DENND4A: variants seen among roughly 807,000 people sequenced by gnomAD.
The protein encoded by DENND4A is DENN domain containing 4A, also known as C-myc promoter-binding protein.
Under a neutral mutation model 199.3 loss-of-function variants are expected in DENND4A, and 70 were observed. The observed-to-expected ratio is 0.35, with a 90% CI of 0.29 to 0.43. The LOEUF is 0.43. DENND4A is among the 20% of genes least tolerant of loss of function. The pLI is 1.00. For missense variants in DENND4A, 1,723 were observed against 2,255.8 expected (o/e 0.76, Z 4.78); for synonymous variants, 686 against 766.9 (o/e 0.89, Z 1.74).
chr15:65,746,759 A>G (rs2076411066), intron 4 of DENND4A, among the ~76,000 whole-genome samples: 1 of 151,838 alleles, frequency 6.6e-6, no homozygotes, highest in Non-Finnish European at 1.5e-5. Context: ...CCATGTGGAA[A>G]GAGTATTTAA....
Position 65,768,613 on chromosome 15 carries a change from A to G in DENND4A, c.-101-7175T>C, listed in dbSNP as rs143175283. Among the ~76,000 whole-genome samples the G allele has an allele frequency of 2.0e-3, 308 of 152,190 alleles. 2 individuals are homozygous for G. The highest frequency in any genetic ancestry group is 7.2e-3 in the African/African-American group (299 of 41,512). ...TTGGTCCAGCTTTTTTCATTCTACA[A>G]TGTTTTTTGAGATTTGGCCATACTC... On this transcript the variant is annotated intron_variant, in intron 1 of 32. Transcript: ENST00000443035.
At chr15:65,663,584 C>G (rs2075943959) in intron 32 of DENND4A, among the ~76,000 whole-genome samples, 1 of 152,056 alleles carries the variant, frequency 6.6e-6, no homozygotes, top group Non-Finnish European at 1.5e-5. Flanking sequence ...ATTGATTTTT[C>G]CAGCTCTGCC....
chr15:65,742,450 A>ATT (rs772887480), intron 4 of DENND4A, among the ~76,000 whole-genome samples: 5,044 of 134,370 alleles, frequency 0.038, 324 homozygotes, highest in African/African-American at 0.13. Context: ...TGACTGGCTG[A>ATT]TTTTTTTTTT....
chr15:65,750,607 C>T (rs1452233838), intron 4 of DENND4A, among the ~76,000 whole-genome samples: 1 of 152,290 alleles, frequency 6.6e-6, no homozygotes, highest in East Asian at 1.9e-4. Flanking sequence ...AGTCAAATTG[C>T]TCATTGTTAG....
At chr15:65,758,345 G>A (rs541544458) in intron 2 of DENND4A, among the ~76,000 whole-genome samples, 79 of 152,226 alleles carry the variant, frequency 5.2e-4, no homozygotes, top group African/African-American at 1.5e-3. Context: ...ACAGGGTCTC[G>A]CTCTGTCGCC....
rs2076701342 is a variant in DENND4A at position 65,756,404 on chromosome 15, G to A, written c.47C>T (p.Ala16Val). The A allele has an allele frequency of 1.2e-6, 2 of 1,613,354 alleles. No homozygotes were observed. Among genetic ancestry groups the A allele is most frequent in the Non-Finnish European group, 1.7e-6 (2 of 1,179,764 alleles). The change falls in exon 3 of 33, where the codon GCA becomes GTA. Residue 16 changes from alanine to valine, a missense_variant. Coordinates refer to ENST00000443035, the MANE Select transcript of DENND4A (RefSeq NM_001320835.1). ...AGGCTTTGAAACATCAGTTAATCCT[G>A]CTACAACAAAGTAGTCAGCAACACG... ...GPRVADYFVV[A>V]GLTDVSKPLE...
In DENND4A at chr15:65,755,476, T is replaced by C. The variant is rs944088594; in HGVS notation, c.311+664A>G. On this transcript the variant is annotated intron_variant, in intron 3 of 32. Coordinates refer to ENST00000443035, the MANE Select transcript of DENND4A (RefSeq NM_001320835.1). ...TGATACACACAGTTAACAATCCATCTATAATGGGGCTGGGTGTGGTGGCTC... is the reference window on the plus strand; with the variant it reads ...TGATACACACAGTTAACAATCCATCCATAATGGGGCTGGGTGTGGTGGCTC... Among the ~76,000 whole-genome samples the C allele has an allele frequency of 2.1e-4, 32 of 152,142 alleles. 1 individual carries two copies.
chr15:65,729,537 C>A lies in DENND4A; in HGVS notation c.1308G>T (p.Val436=). 4 of 1,607,716 alleles carry A rather than the reference C, an allele frequency of 2.5e-6. No individual in the cohort carries two copies. The highest frequency in any genetic ancestry group is 3.4e-6 in the Non-Finnish European group (4 of 1,177,250). Reference sequence around the variant, plus strand: ...AATAAGAAACTGTGATACTCACAGACACTAATGCTTCTGTCACACTAGTAA... The same window carrying A: ...AATAAGAAACTGTGATACTCACAGAAACTAATGCTTCTGTCACACTAGTAA... ...SVLTSVTEAL[V]SMIFPFHWPC... Residue 436 remains valine (V), a synonymous_variant, in exon 10 of 33, where the codon GTG becomes GTT. Transcript: ENST00000443035.
At chr15:65,768,070 G>C (rs991766581) in intron 1 of DENND4A, among the ~76,000 whole-genome samples, 5 of 152,128 alleles carry the variant, frequency 3.3e-5, no homozygotes, top group Admixed American at 6.6e-5. Flanking sequence ...GTGGAGTGTA[G>C]TGGCACGATC....
chr15:65,786,827 A>G (rs1341037439), intron 1 of DENND4A, among the ~76,000 whole-genome samples: 1 of 152,204 alleles, frequency 6.6e-6, no homozygotes, highest in Non-Finnish European at 1.5e-5. Flanking sequence ...GTCATTGCTC[A>G]TATATATAGT....
At chr15:65,712,570 G>C (rs1375563003) in intron 14 of DENND4A, among the ~76,000 whole-genome samples, 1 of 152,040 alleles carries the variant, frequency 6.6e-6, no homozygotes, top group Non-Finnish European at 1.5e-5. Context: ...GTTTTTCCTA[G>C]TACACTATTT....
intron 31 of DENND4A, 76 bp from the exon 32 acceptor site, chr15:65,664,470 T>C (rs2075971942): frequency 6.6e-7 from 1 of 1,520,338 alleles, no homozygotes. Context: ...TTTAATGCTA[T>C]CATAAGCATG....
intron 27 of DENND4A, among the ~76,000 whole-genome samples, chr15:65,668,676 C>A (rs914747276): frequency 6.6e-6 from 1 of 151,984 alleles, no homozygotes; most frequent in Non-Finnish European, 1.5e-5. Context: ...GAAAAATTAG[C>A]CAGGTGTGAT....
chr15:65,677,518 C>T (rs1484313932), intron 23 of DENND4A, among the ~76,000 whole-genome samples: 1 of 152,148 alleles, frequency 6.6e-6, no homozygotes, highest in African/African-American at 2.4e-5. Flanking sequence ...CGGGCTTTAA[C>T]ATTTTTACAT....
At chr15:65,754,084 T>A (rs902753905) in intron 3 of DENND4A, 4 of 152,082 alleles carry the variant, frequency 2.6e-5, no homozygotes, top group African/African-American at 4.8e-5. Flanking sequence ...TCTACCCACC[T>A]AGGCCTTCCA....
intron 23 of DENND4A, among the ~76,000 whole-genome samples, chr15:65,681,616 A>G (rs2076579320): frequency 6.8e-6 from 1 of 147,080 alleles, no homozygotes. Context: ...TAATTCTGTC[A>G]GCCAGGCTGG....
At chr15:65,787,755 G>C (rs1032365642) in intron 1 of DENND4A, among the ~76,000 whole-genome samples, 1 of 152,218 alleles carries the variant, frequency 6.6e-6, no homozygotes, top group African/African-American at 2.4e-5. Context: ...GAAAAGCAGA[G>C]TACACAATAT....
At position 65,660,863 on chromosome 15, in the gene DENND4A, A is replaced by C. The variant is rs1246852198; in HGVS notation, c.*988T>G. ...CCCCAGTAAGTCATATTTCAGATAA[A>C]TATTCTATAGTATAATTTGCATCAT... is the stretch of plus-strand genomic sequence containing the variant. On this transcript the variant is annotated 3_prime_UTR_variant, in exon 33 of 33. Coordinates refer to ENST00000443035, the MANE Select transcript of DENND4A (RefSeq NM_001320835.1). The C allele has an allele frequency of 6.6e-6, 1 of 152,180 alleles. No individual in the cohort carries two copies. Among genetic ancestry groups the C allele is most frequent in the Non-Finnish European group, 1.5e-5 (1 of 68,020 alleles). The allele number at this position is 152,180 out of a possible 1,614,324, so 9.4% of individuals were successfully genotyped here.
At chr15:65,767,294 A>AC (rs2077012260) in intron 1 of DENND4A, 1 of 152,338 alleles carries the variant, frequency 6.6e-6, no homozygotes, top group Admixed American at 6.5e-5. Context: ...TTGCCTGTCT[A>AC]ACATACCATA....
Sources: gnomAD v4.1 joint callset for allele counts (sites outside exome capture counted in the v4.1 genomes callset) on GRCh38, gnomAD v4.1.1 for gene constraint, MANE v1.5 for transcripts, NCBI Gene and HGNC (gene_info 2026-07-23, HGNC 2026-07-21) for gene names.